DCDC1: variants seen among roughly 807,000 people sequenced by gnomAD.
DCDC1 encodes doublecortin domain containing 1, also known as doublecortin domain-containing protein 1.
A neutral mutation model predicts 178.3 loss-of-function variants in DCDC1; 200 were observed. That is an observed-to-expected ratio of 1.12 (90% confidence interval 1.00 to 1.26). DCDC1 has a LOEUF of 1.26. Among genes scored for constraint, DCDC1 ranks in the 50% most tolerant of loss-of-function variants. The probability of loss-of-function intolerance (pLI) is 0.00; values close to 1 mark genes in which losing one functional copy is unlikely to be tolerated. For synonymous variants in DCDC1, 690 were observed against 604.8 expected (o/e 1.14, Z -2.07); for missense variants, 1,983 against 1,749.2 (o/e 1.13, Z -2.38).
At chr11:31,085,076 C>A (rs1206610962) in intron 17 of DCDC1, among the ~76,000 whole-genome samples, 1 of 151,760 alleles carries the variant, frequency 6.6e-6, no homozygotes. Context: ...TGAACTATCC[C>A]ATTGAGAAAG....
At chr11:31,264,875 C>T (rs563943727) in intron 8 of DCDC1, among the ~76,000 whole-genome samples, 54 of 152,278 alleles carry the variant, frequency 3.5e-4, no homozygotes, top group Admixed American at 1.3e-3. Context: ...TGAGTTAAAA[C>T]CCTTCCCTCT....
chr11:31,366,213 A>G (rs1238213973), intron 1 of DCDC1, among the ~76,000 whole-genome samples: 3 of 152,316 alleles, frequency 2.0e-5, no homozygotes, highest in Admixed American at 2.0e-4. Context: ...TCTAGAGTTC[A>G]TGCTTTTAAC....
At chr11:31,263,619 C>T (rs1944945027) in intron 8 of DCDC1, among the ~76,000 whole-genome samples, 1 of 152,016 alleles carries the variant, frequency 6.6e-6, no homozygotes, top group Admixed American at 6.6e-5. Context: ...ATATGTAATC[C>T]TTGGCCAAAA....
intron 9 of DCDC1, among the ~76,000 whole-genome samples, chr11:31,174,125 C>T (rs1181550207): frequency 1.3e-5 from 2 of 151,858 alleles, no homozygotes; most frequent in East Asian, 3.9e-4. Flanking sequence ...GAGCCAGGAG[C>T]AGAAAGGAGC....
intron 5 of DCDC1, among the ~76,000 whole-genome samples, 154 bp downstream of exon 5, chr11:31,306,078 G>A (rs915244367): frequency 6.6e-6 from 1 of 151,894 alleles, no homozygotes. Flanking sequence ...AAAAGGAGAG[G>A]AGTGAAATTC....
chr11:31,301,010 T>G (rs999495589), intron 6 of DCDC1, among the ~76,000 whole-genome samples: 9 of 152,182 alleles, frequency 5.9e-5, no homozygotes, highest in Non-Finnish European at 1.3e-4. Context: ...GGTCCATCTC[T>G]TATAATTGTC....
intron 1 of DCDC1, among the ~76,000 whole-genome samples, chr11:31,349,898 T>C (rs1463904693): frequency 6.6e-6 from 1 of 152,218 alleles, no homozygotes; most frequent in Non-Finnish European, 1.5e-5. Context: ...ACTAAATATT[T>C]ACTATGTTAC....
intron 20 of DCDC1, among the ~76,000 whole-genome samples, chr11:31,030,875 C>T (rs1009060379): frequency 2.0e-5 from 3 of 151,382 alleles, no homozygotes; most frequent in Admixed American, 1.3e-4. Flanking sequence ...AAAAAAACCA[C>T]TAATCTAGAA....
At chr11:31,332,163 G>A (rs1950026662) in intron 2 of DCDC1, among the ~76,000 whole-genome samples, 5 of 152,148 alleles carry the variant, frequency 3.3e-5, no homozygotes, top group Admixed American at 3.3e-4. Context: ...TAGTTTATTT[G>A]CAAAGAGATG....
intron 10 of DCDC1, among the ~76,000 whole-genome samples, chr11:31,134,247 T>C (rs985856126): frequency 6.6e-6 from 1 of 152,208 alleles, no homozygotes; most frequent in Non-Finnish European, 1.5e-5. Context: ...ATGTCAATTA[T>C]ACCTATGGGG....
intron 8 of DCDC1, among the ~76,000 whole-genome samples, chr11:31,245,549 TA>T (rs1253457457): frequency 1.3e-5 from 2 of 151,750 alleles, no homozygotes; most frequent in African/African-American, 2.4e-5. Flanking sequence ...TAATTTTCCT[TA>T]TATGATTATG....
intron 21 of DCDC1, among the ~76,000 whole-genome samples, chr11:30,937,728 C>A (rs1947364173): frequency 6.6e-6 from 1 of 152,130 alleles, no homozygotes; most frequent in South Asian, 2.1e-4. Flanking sequence ...ATCCATCAAT[C>A]TTCCACAGTT....
At chr11:31,328,332 A>G (rs1949759007) in intron 2 of DCDC1, 46 bp from the exon 3 acceptor site, 2 of 1,495,438 alleles carry the variant, frequency 1.3e-6, no homozygotes, top group South Asian at 2.7e-5. Context: ...GTAAAATCCT[A>G]CTAGATTACA....
intron 11 of DCDC1, among the ~76,000 whole-genome samples, chr11:31,116,451 C>T (rs991250148): frequency 6.6e-6 from 1 of 151,840 alleles, no homozygotes; most frequent in African/African-American, 2.4e-5. Flanking sequence ...TACAGAAAAT[C>T]ACTTCTAACT....
At position 30,909,073 on chromosome 11, in the gene DCDC1, T is replaced by G. The variant is rs1945268651; in HGVS notation, c.3791A>C (p.His1264Pro). 1 of 1,611,710 alleles carries G rather than the reference T, an allele frequency of 6.2e-7. No homozygotes were observed. Among genetic ancestry groups the G allele is most frequent in the African/African-American group, 1.3e-5 (1 of 74,858 alleles). The change falls in exon 29 of 39, where the codon CAT (histidine) becomes CCT (proline). Residue 1264 changes from histidine to proline, a missense_variant. Coordinates refer to ENST00000684477, the MANE Select transcript of DCDC1 (RefSeq NM_001387274.1). The stretch of plus-strand genomic sequence containing the variant: ...AAGTGCTTTTATATTTTTCATGTAA[T>G]GCCACTTTTGATTGGCAGCTCCATT... Reference protein sequence around the residue: ...YNNGAANQKWHYMKNIKALVA... With the variant: ...YNNGAANQKWPYMKNIKALVA...
chr11:30,885,052 T>A (rs1018506748), intron 36 of DCDC1, among the ~76,000 whole-genome samples: 1 of 151,910 alleles, frequency 6.6e-6, no homozygotes, highest in African/African-American at 2.4e-5. Flanking sequence ...ATCTATATAA[T>A]TTAAAAAGTA....
At chr11:30,868,497 C>A (rs1029805879) in intron 38 of DCDC1, among the ~76,000 whole-genome samples, 12 of 151,904 alleles carry the variant, frequency 7.9e-5, no homozygotes, top group Non-Finnish European at 1.6e-4. Flanking sequence ...GTGATCCACC[C>A]ACCTCGGCCT....
intron 15 of DCDC1, among the ~76,000 whole-genome samples, chr11:31,095,144 T>G (rs1043866053): frequency 1.3e-5 from 2 of 152,172 alleles, no homozygotes; most frequent in African/African-American, 2.4e-5. Flanking sequence ...TGCATAGTAT[T>G]CCATGGTGTA....
chr11:31,327,500 T>C (rs891421988), intron 3 of DCDC1, among the ~76,000 whole-genome samples: 2 of 152,090 alleles, frequency 1.3e-5, no homozygotes, highest in African/African-American at 4.8e-5. Flanking sequence ...AAAATTGATA[T>C]AATGCAGGTT....
Sources: gnomAD v4.1 joint callset for allele counts (sites outside exome capture counted in the v4.1 genomes callset) on GRCh38, gnomAD v4.1.1 for gene constraint, MANE v1.5 for transcripts, NCBI Gene and HGNC (gene_info 2026-07-23, HGNC 2026-07-21) for gene names.